Variants in AUTS2 observed in about 807,000 individuals in gnomAD.
The protein encoded by AUTS2 is autism susceptibility gene 2 protein.
A neutral mutation model predicts 112.4 loss-of-function variants in AUTS2; 17 were observed. The ratio of observed to expected loss-of-function variants is 0.15; its 90% CI spans 0.10 to 0.23. The LOEUF (loss-of-function observed/expected upper bound fraction) is 0.23. AUTS2 is among the 10% of genes least tolerant of loss of function. The pLI is 1.00. For missense variants in AUTS2, 1,510 were observed against 1,701.6 expected, an observed-to-expected ratio of 0.89 and a Z score of 1.98; for synonymous variants, 751 against 702.7, an observed-to-expected ratio of 1.07 and a Z score of -1.09.
At chr7:69,782,438 A>T (rs1019391161) in intron 1 of AUTS2, among the ~76,000 whole-genome samples, 2 of 151,056 alleles carry the variant, frequency 1.3e-5, no homozygotes, top group Non-Finnish European at 2.9e-5. Context: ...TCATCCAGTC[A>T]TGATGGTTTT....
intron 4 of AUTS2, among the ~76,000 whole-genome samples, chr7:70,237,207 A>G (rs1365660807): frequency 6.6e-6 from 1 of 152,082 alleles, no homozygotes; most frequent in Non-Finnish European, 1.5e-5. Flanking sequence ...AAAATATTGC[A>G]TTTTTCAAAG....
rs543027609 is a variant in AUTS2 at position 69,792,856 on chromosome 7, C to A, written c.310-106430C>A. ...AGGTAGGGGTGGGAGAGGTTGTGGC[C>A]TAGGAATCTGCATTTCAACAAGCAC... On this transcript the variant is annotated intron_variant, in intron 1 of 18. Transcript: ENST00000342771. Among the ~76,000 whole-genome samples the A allele has an allele frequency of 5.3e-5, 8 of 152,140 alleles. No homozygotes were observed. The South Asian group carries it at 1.7e-3, about 32-fold the overall frequency.
intron 2 of AUTS2, among the ~76,000 whole-genome samples, chr7:70,031,006 G>T (rs138949450): frequency 4.3e-4 from 66 of 152,244 alleles, no homozygotes; most frequent in Non-Finnish European, 7.6e-4. Context: ...GCCACAAAAT[G>T]CTATTCTTTT....
chr7:70,262,390 A>G (rs1297045183), intron 4 of AUTS2, among the ~76,000 whole-genome samples: 1 of 152,144 alleles, frequency 6.6e-6, no homozygotes, highest in South Asian at 2.1e-4. Flanking sequence ...AGGTTTCACC[A>G]TGTTAGAAAG....
chr7:70,625,847 A>G (rs1055283434), intron 5 of AUTS2, among the ~76,000 whole-genome samples: 4 of 152,184 alleles, frequency 2.6e-5, no homozygotes, highest in Non-Finnish European at 5.9e-5. Flanking sequence ...AAAATTGGCT[A>G]AATCATCATT....
chr7:69,807,267 A>G (rs1405071506), intron 1 of AUTS2, among the ~76,000 whole-genome samples: 2 of 152,164 alleles, frequency 1.3e-5, no homozygotes, highest in Non-Finnish European at 2.9e-5. Context: ...TGTCACCAAG[A>G]TCCAGATTTG....
chr7:69,794,925 C>T (rs1236066692), intron 1 of AUTS2, among the ~76,000 whole-genome samples: 1 of 152,130 alleles, frequency 6.6e-6, no homozygotes, highest in Non-Finnish European at 1.5e-5. Context: ...GCCATCTTTC[C>T]ACTCATTCCT....
intron 4 of AUTS2, among the ~76,000 whole-genome samples, chr7:70,146,642 T>A (rs182692870): frequency 6.6e-6 from 1 of 152,260 alleles, no homozygotes; most frequent in Non-Finnish European, 1.5e-5. Flanking sequence ...GCCTGAATAA[T>A]AAAGGATTGC....
At chr7:70,127,376 C>T (rs1806033624) in intron 3 of AUTS2, among the ~76,000 whole-genome samples, 1 of 152,080 alleles carries the variant, frequency 6.6e-6, no homozygotes, top group Admixed American at 6.6e-5. Context: ...TCAGGTAATC[C>T]ACCCTCCTCA....
intron 1 of AUTS2, among the ~76,000 whole-genome samples, chr7:69,654,542 G>A (rs1795435280): frequency 6.6e-6 from 1 of 152,184 alleles, no homozygotes; most frequent in East Asian, 1.9e-4. Context: ...ATTTGCAGAT[G>A]AGGAAGTTGA....
At chr7:69,666,592 G>A (rs1240576307) in intron 1 of AUTS2, among the ~76,000 whole-genome samples, 1 of 152,110 alleles carries the variant, frequency 6.6e-6, no homozygotes, top group Non-Finnish European at 1.5e-5. Context: ...ACAATAAGAG[G>A]AATCATGCGT....
intron 1 of AUTS2, among the ~76,000 whole-genome samples, chr7:69,722,021 A>G (rs1333678643): frequency 1.1e-4 from 13 of 114,484 alleles, no homozygotes; most frequent in Admixed American, 9.9e-4. Flanking sequence ...GGAAGTAGCA[A>G]TATCCAAAAG....
In AUTS2 at chr7:70,764,837, T is replaced by G; in HGVS notation, c.1300T>G (p.Ser434Ala). 1.7e-6 allele frequency: 1 copy of G among 580,200 alleles called. No individual in the cohort carries two copies. Among genetic ancestry groups the G allele is most frequent in the Non-Finnish European group, 2.5e-6 (1 of 397,504 alleles). 35.9% of individuals were successfully genotyped at this position (580,200 alleles called of 1,614,324 possible). A position where few individuals can be genotyped will look rare whatever the true frequency, so the allele number is the denominator to read the frequency against. ...HHPSASPFPLSLPNHSPLHSF... is the reference protein window; with the variant it reads ...HHPSASPFPLALPNHSPLHSF... ...CCCCTCTGCCTCCCCGTTCCCCCTC[T>G]CCCTGCCCAACCACAGCCCCCTGCA... The change falls in exon 8 of 19, where the codon TCC becomes GCC. Residue 434 changes from serine (S) to alanine (A), a missense_variant. By Grantham distance (99) the Ser-to-Ala change is moderately conservative. This residue lies in a region of AUTS2 where 535 missense variants were observed against 594.3 expected (regional missense o/e 0.90). Transcript: ENST00000342771.
At chr7:69,928,232 C>T (rs2129543649) in intron 2 of AUTS2, among the ~76,000 whole-genome samples, 1 of 152,222 alleles carries the variant, frequency 6.6e-6, no homozygotes, top group Non-Finnish European at 1.5e-5. Flanking sequence ...GGTCCATGGG[C>T]AGCCATGGGT....
intron 1 of AUTS2, among the ~76,000 whole-genome samples, chr7:69,806,239 C>T (rs1048486377): frequency 6.1e-5 from 8 of 132,096 alleles, no homozygotes; most frequent in African/African-American, 2.3e-4. Context: ...AAACCAGCGT[C>T]ACAACCACAG....
chr7:70,775,241 A>T (rs996266057), intron 12 of AUTS2, 116 bp from the exon 13 acceptor site: 2 of 935,398 alleles, frequency 2.1e-6, no homozygotes, highest in Non-Finnish European at 1.7e-6. Context: ...GGCTTCATTT[A>T]AAAGTAAAAT....
intron 5 of AUTS2, among the ~76,000 whole-genome samples, chr7:70,460,977 G>A (rs1304699099): frequency 6.6e-6 from 1 of 152,156 alleles, no homozygotes; most frequent in African/African-American, 2.4e-5. Flanking sequence ...CCTGGGTTTG[G>A]GAAGGGCAGA....
intron 5 of AUTS2, among the ~76,000 whole-genome samples, chr7:70,537,937 T>A (rs936458384): frequency 6.6e-6 from 1 of 152,208 alleles, no homozygotes; most frequent in Non-Finnish European, 1.5e-5. Flanking sequence ...CCATGACATG[T>A]GGGCTTTGTT....
chr7:70,274,859 T>G (rs968549964), intron 4 of AUTS2, among the ~76,000 whole-genome samples: 1 of 152,132 alleles, frequency 6.6e-6, no homozygotes, highest in Non-Finnish European at 1.5e-5. Flanking sequence ...TAACAGATAA[T>G]TACCATATAT....
Sources: gnomAD v4.1 joint callset for allele counts (sites outside exome capture counted in the v4.1 genomes callset) on GRCh38, gnomAD v4.1.1 for gene constraint, gnomAD v4.1.1 regional missense constraint, MANE v1.5 for transcripts, NCBI Gene and HGNC (gene_info 2026-07-23, HGNC 2026-07-21) for gene names.